FYTTD1: variants seen among roughly 807,000 people sequenced by gnomAD.
FYTTD1 encodes the protein forty-two-three domain containing 1, also known as UAP56-interacting factor.
FYTTD1 carries 22 observed loss-of-function variants against 40.9 expected under a neutral mutation model. The ratio of observed to expected loss-of-function variants is 0.54; its 90% CI spans 0.38 to 0.77. The LOEUF is 0.77. FYTTD1 is among the 30% of genes least tolerant of loss of function. The probability of loss-of-function intolerance (pLI) is 0.00; values close to 1 mark genes in which losing one functional copy is unlikely to be tolerated. For synonymous variants in FYTTD1, 140 were observed against 137.9 expected (o/e 1.01, Z -0.10); for missense variants, 351 against 392.2 (o/e 0.90, Z 0.89).
chr3:197,766,548 T>G (rs1305773835), intron 2 of FYTTD1, among the ~76,000 whole-genome samples: 1 of 151,606 alleles, frequency 6.6e-6, no homozygotes, highest in Admixed American at 6.6e-5. Context: ...GCTCAAATGA[T>G]CCTCCTGCCT....
chr3:197,769,692 C>G (rs1332538092), intron 3 of FYTTD1, among the ~76,000 whole-genome samples: 1 of 151,854 alleles, frequency 6.6e-6, no homozygotes, highest in Admixed American at 6.6e-5. Context: ...TTTTGGCATG[C>G]ATTTGTTTTG....
At chr3:197,768,639 T>C in intron 3 of FYTTD1, 52 bp downstream of exon 3, 1 of 1,476,368 alleles carries the variant, frequency 6.8e-7, no homozygotes, top group Non-Finnish European at 9.2e-7. Flanking sequence ...TTATTTGTAC[T>C]AACATTTCTG....
At position 197,787,379 on chromosome 3, in the gene FYTTD1, C is replaced by T. The variant is rs115740702; in HGVS notation, c.*5470C>T. The T allele has an allele frequency of 0.044, 6,776 of 152,456 alleles. 225 individuals carry two copies. Among genetic ancestry groups the T allele is most frequent in the Middle Eastern group, 0.068 (20 of 296 alleles). 9.4% of individuals were successfully genotyped at this position (152,456 alleles called of 1,614,324 possible). On this transcript the variant is annotated 3_prime_UTR_variant, in exon 9 of 9. Transcript: ENST00000241502. Reference sequence around the variant, plus strand: ...TCTGACTCCCAAAGTGCTGGGATTACAGGCATGAGCTACGGAGCCCGGCCT... The same window carrying T: ...TCTGACTCCCAAAGTGCTGGGATTATAGGCATGAGCTACGGAGCCCGGCCT...
intron 1 of FYTTD1, among the ~76,000 whole-genome samples, chr3:197,751,493 A>G (rs1729043378): frequency 6.6e-6 from 1 of 152,106 alleles, no homozygotes; most frequent in African/African-American, 2.4e-5. Flanking sequence ...TAAAAATACT[A>G]AAATTAGCCG....
chr3:197,758,215 C>T (rs1389655453), intron 2 of FYTTD1, among the ~76,000 whole-genome samples: 1 of 152,138 alleles, frequency 6.6e-6, no homozygotes, highest in Non-Finnish European at 1.5e-5. Context: ...TGCGCCTGGC[C>T]TAAATATTTC....
chr3:197,778,553 G>A (rs1729940004), intron 8 of FYTTD1, 89 bp downstream of exon 8: 1 of 919,094 alleles, frequency 1.1e-6, no homozygotes, highest in Non-Finnish European at 1.6e-6. Context: ...TTATAAACAA[G>A]GTATCCTAAC....
intron 2 of FYTTD1, among the ~76,000 whole-genome samples, chr3:197,761,467 A>G (rs1406481014): frequency 6.6e-6 from 1 of 152,046 alleles, no homozygotes; most frequent in East Asian, 1.9e-4. Context: ...TCAGTGGTAG[A>G]ATGTATAAAG....
chr3:197,754,812 G>A (rs566764487), intron 1 of FYTTD1, among the ~76,000 whole-genome samples: 3 of 151,938 alleles, frequency 2.0e-5, no homozygotes, highest in South Asian at 2.1e-4. Flanking sequence ...CCACGGGCAC[G>A]CACCACCATG....
At chr3:197,773,798 G>A (rs897738769) in intron 5 of FYTTD1, among the ~76,000 whole-genome samples, 2 of 150,522 alleles carry the variant, frequency 1.3e-5, no homozygotes, top group Admixed American at 6.6e-5. Context: ...GGGCCCCTCT[G>A]CTGCACTCAC....
At chr3:197,772,214 C>A (rs1221833972) in intron 4 of FYTTD1, among the ~76,000 whole-genome samples, 2 of 152,228 alleles carry the variant, frequency 1.3e-5, no homozygotes, top group Non-Finnish European at 2.9e-5. Context: ...AAGAACCCAT[C>A]ATTTACGTGA....
intron 6 of FYTTD1, among the ~76,000 whole-genome samples, chr3:197,774,820 A>G (rs529455355): frequency 5.3e-5 from 8 of 152,150 alleles, no homozygotes; most frequent in Middle Eastern, 3.4e-3. Context: ...GCCAGTGCAT[A>G]CCATCCTGAG....
intron 6 of FYTTD1, among the ~76,000 whole-genome samples, chr3:197,775,670 A>C (rs906850735): frequency 1.3e-5 from 2 of 152,234 alleles, no homozygotes; most frequent in African/African-American, 4.8e-5. Context: ...CAGGGCCCAG[A>C]TATGGTGCCA....
At chr3:197,750,257 C>T in intron 1 of FYTTD1, 183 bp downstream of exon 1, 1 of 895,650 alleles carries the variant, frequency 1.1e-6, no homozygotes. Context: ...AGGTGCCCGG[C>T]TGGACCGCGA....
intron 7 of FYTTD1, among the ~76,000 whole-genome samples, 168 bp from the exon 8 acceptor site, chr3:197,778,170 C>T (rs1304521994): frequency 6.6e-6 from 1 of 152,158 alleles, no homozygotes; most frequent in Non-Finnish European, 1.5e-5. Context: ...ATTCTCTGAA[C>T]AATTATATAT....
At chr3:197,756,655 C>A (rs143542773) in intron 2 of FYTTD1, 98 bp downstream of exon 2, 2 of 1,128,612 alleles carry the variant, frequency 1.8e-6, no homozygotes, top group Non-Finnish European at 1.3e-6. Flanking sequence ...TGCGTCAGTA[C>A]TCTTTGTGTT....
In FYTTD1 at chr3:197,750,840, T is replaced by G. The variant is rs1729007637; in HGVS notation, c.103+766T>G. ...GAAGCCAGGTAAAGCGTGGGGTTCT[T>G]GAGCGCATCTGAGAGGGTGGCGTGG... On this transcript the variant is annotated intron_variant, in intron 1 of 8. Coordinates refer to ENST00000241502, the MANE Select transcript of FYTTD1 (RefSeq NM_032288.7). The G allele has an allele frequency of 5.1e-6, 5 of 985,330 alleles. No homozygotes were observed. In the South Asian group the frequency reaches 1.9e-4, roughly 37 times the overall value. 61.0% of individuals were successfully genotyped at this position (985,330 alleles called of 1,614,324 possible).
intron 1 of FYTTD1, chr3:197,755,768 G>A: frequency 1.3e-6 from 2 of 1,548,500 alleles, no homozygotes. Context: ...GATTATAGGT[G>A]TGAGTCACCA....
At chr3:197,755,629 T>TTTAC (rs2109036470) in intron 1 of FYTTD1, 1 of 216,776 alleles carries the variant, frequency 4.6e-6, no homozygotes, top group Non-Finnish European at 8.6e-6. Context: ...TATTTATTTA[T>TTTAC]TTATTTATTT....
At chr3:197,753,137 T>TGAA (rs1239367510) in intron 1 of FYTTD1, among the ~76,000 whole-genome samples, 1 of 152,186 alleles carries the variant, frequency 6.6e-6, no homozygotes, top group Non-Finnish European at 1.5e-5. Context: ...AGAAATGGGA[T>TGAA]GAAGAGATCA....
Sources: allele counts gnomAD v4.1 joint callset (sites outside exome capture counted in the v4.1 genomes callset), GRCh38; gene constraint gnomAD v4.1.1; transcripts MANE v1.5; gene names NCBI Gene and HGNC (gene_info 2026-07-23, HGNC 2026-07-21).